The following EFHD1 variants were observed in gnomAD, a reference collection of about 807,000 sequenced individuals.
The protein encoded by EFHD1 is EF-hand domain-containing protein D1.
In EFHD1, 10 loss-of-function variants were observed where a neutral mutation model predicts 17.2. That is an observed-to-expected ratio of 0.58 (90% CI 0.36 to 0.99). The LOEUF is 0.99. EFHD1 is among the 50% of genes least tolerant of loss of function. The pLI, the probability that EFHD1 is intolerant of heterozygous loss-of-function variation, is 0.01. For missense variants in EFHD1, 310 were observed against 327.5 expected (o/e 0.95, Z 0.41); for synonymous variants, 153 against 142.0 (o/e 1.08, Z -0.55).
chr2:232,632,800 A>C (rs1263121580), upstream of EFHD1, among the ~76,000 whole-genome samples: 1 of 152,112 alleles, frequency 6.6e-6, no homozygotes, highest in Non-Finnish European at 1.5e-5. Flanking sequence ...TGATTTTTTA[A>C]AAGTTTTTGT....
At chr2:232,628,805 G>A (rs965731288), upstream of EFHD1, among the ~76,000 whole-genome samples, 1 of 152,130 alleles carries the variant, frequency 6.6e-6, no homozygotes. Flanking sequence ...CCCTCTCCTC[G>A]AACTATGCTC....
At chr2:232,644,869 G>A (rs113252263) in intron 1 of EFHD1, among the ~76,000 whole-genome samples, 9 of 145,722 alleles carry the variant, frequency 6.2e-5, no homozygotes, top group Admixed American at 3.5e-4. Flanking sequence ...CTCAATCTCC[G>A]GACCTCAGGT....
intron 3 of EFHD1, among the ~76,000 whole-genome samples, chr2:232,680,778 G>A (rs1306770158): frequency 6.6e-6 from 1 of 151,844 alleles, no homozygotes; most frequent in Non-Finnish European, 1.5e-5. Context: ...CAAAGTGCTG[G>A]GATTACAGGC....
chr2:232,676,750 T>TG (rs1695180376), intron 3 of EFHD1, among the ~76,000 whole-genome samples: 1 of 152,218 alleles, frequency 6.6e-6, no homozygotes, highest in South Asian at 2.1e-4. Flanking sequence ...GCCAGGACTG[T>TG]GGGGAAGGCT....
At chr2:232,618,005 T>G (rs1201051113) in intron 1 of EFHD1, among the ~76,000 whole-genome samples, 1 of 151,112 alleles carries the variant, frequency 6.6e-6, no homozygotes, top group South Asian at 2.1e-4. Context: ...AAAAGATAAA[T>G]AAACCAATTT....
At chr2:232,677,576 A>T (rs974700386) in intron 3 of EFHD1, among the ~76,000 whole-genome samples, 1 of 152,068 alleles carries the variant, frequency 6.6e-6, no homozygotes, top group Non-Finnish European at 1.5e-5. Context: ...CAAAAATATT[A>T]GCTGGGTATG....
In EFHD1 at chr2:232,681,918, C is replaced by T. The variant is rs1052445445; in HGVS notation, c.*199C>T. 3 of 692,736 alleles carry T rather than the reference C, an allele frequency of 4.3e-6. No homozygotes were observed. Among genetic ancestry groups the T allele is most frequent in the East Asian group, 3.1e-5 (1 of 32,392 alleles). The allele number at this position is 692,736 out of a possible 1,614,324, so 42.9% of individuals were successfully genotyped here. ...GGAGGGTCCTGGGGTGGGCCAGATGCCTGCCCACCTCTGTCTCCTGCCTCT... is the reference window on the plus strand; with the variant it reads ...GGAGGGTCCTGGGGTGGGCCAGATGTCTGCCCACCTCTGTCTCCTGCCTCT... On this transcript the variant is annotated 3_prime_UTR_variant, in exon 4 of 4. Coordinates refer to ENST00000264059, the MANE Select transcript of EFHD1 (RefSeq NM_025202.4).
intron 2 of EFHD1, among the ~76,000 whole-genome samples, chr2:232,671,187 C>T (rs936091616): frequency 1.3e-5 from 2 of 152,020 alleles, no homozygotes; most frequent in African/African-American, 4.8e-5. Context: ...GTAATTTCAG[C>T]ACTTTAGGAG....
Position 232,681,922 on chromosome 2 carries a change from C to T in EFHD1, c.*203C>T, listed in dbSNP as rs1695291935. The T allele has an allele frequency of 1.5e-6, 1 of 659,710 alleles. No homozygotes were observed. Among genetic ancestry groups the T allele is most frequent in the Non-Finnish European group, 2.4e-6 (1 of 413,948 alleles). 40.9% of individuals were successfully genotyped at this position (659,710 alleles called of 1,614,324 possible). ...GGTCCTGGGGTGGGCCAGATGCCTG[C>T]CCACCTCTGTCTCCTGCCTCTGCTC... On this transcript the variant is annotated 3_prime_UTR_variant, in exon 4 of 4. Transcript: ENST00000264059.
intron 2 of EFHD1, among the ~76,000 whole-genome samples, 192 bp from the exon 3 acceptor site, chr2:232,672,117 C>T (rs1354903457): frequency 6.6e-6 from 1 of 151,958 alleles, no homozygotes; most frequent in East Asian, 1.9e-4. Flanking sequence ...GTGCCCATTT[C>T]CCTATAGCCT....
At position 232,622,189 on chromosome 2, in the gene EFHD1, C is replaced by T. The variant is rs114580617; in HGVS notation, c.14+16016C>T. 2.7e-3 allele frequency among the ~76,000 whole-genome samples: 406 copies of T among 152,282 alleles called. 2 individuals carry two copies. Among genetic ancestry groups the T allele is most frequent in the African/African-American group, 9.5e-3 (396 of 41,568 alleles). On this transcript the variant is annotated intron_variant, in intron 1 of 3. Transcript: ENST00000409613. ...TTGAACAATAAAAGACATCTGGGGC[C>T]GGGCATGGTGGCTTACGCCTGTAAT... is the stretch of plus-strand genomic sequence containing the variant.
At position 232,656,867 on chromosome 2, in the gene EFHD1, C is replaced by A. The variant is rs187573657; in HGVS notation, c.303-5935C>A. Reference sequence around the variant, plus strand: ...GATCACAGCTCACTGTAGCCTCAAACTCTTGTGCTCAAGTGATCCTCCCCC... The same window carrying A: ...GATCACAGCTCACTGTAGCCTCAAAATCTTGTGCTCAAGTGATCCTCCCCC... On this transcript the variant is annotated intron_variant, in intron 1 of 3. Coordinates refer to ENST00000264059, the MANE Select transcript of EFHD1 (RefSeq NM_025202.4). Among the ~76,000 whole-genome samples the A allele has an allele frequency of 2.5e-3, 388 of 152,322 alleles. 3 individuals are homozygous for A. The highest frequency in any genetic ancestry group is 2.1e-3 in the Non-Finnish European group (141 of 68,042).
chr2:232,631,213 G>T (rs1183071905), upstream of EFHD1, among the ~76,000 whole-genome samples: 1 of 151,894 alleles, frequency 6.6e-6, no homozygotes, highest in African/African-American at 2.4e-5. Context: ...GGCAACAAGA[G>T]CAAAACTCCG....
chr2:232,657,666 C>T (rs1277126738), intron 1 of EFHD1, among the ~76,000 whole-genome samples: 2 of 151,634 alleles, frequency 1.3e-5, no homozygotes, highest in Non-Finnish European at 2.9e-5. Context: ...AAAAAATTAG[C>T]CGGCCATGGT....
At chr2:232,615,363 T>G (rs566322989) in intron 1 of EFHD1, among the ~76,000 whole-genome samples, 1 of 143,278 alleles carries the variant, frequency 7.0e-6, no homozygotes, top group African/African-American at 2.6e-5. Flanking sequence ...ATTTACATAT[T>G]TTTTCTTAGA....
intron 3 of EFHD1, among the ~76,000 whole-genome samples, chr2:232,675,187 A>AAAGAG: frequency 6.8e-6 from 1 of 146,986 alleles, no homozygotes; most frequent in Non-Finnish European, 1.5e-5. Flanking sequence ...AAAGAAAAAA[A>AAAGAG]AGAGAGAGAG....
intron 3 of EFHD1, among the ~76,000 whole-genome samples, chr2:232,673,605 C>T (rs1695117879): frequency 6.6e-6 from 1 of 152,138 alleles, no homozygotes; most frequent in African/African-American, 2.4e-5. Flanking sequence ...GAGTTCCCTC[C>T]CCTGGGCTGC....
chr2:232,617,668 AG>A (rs1483045379), intron 1 of EFHD1, among the ~76,000 whole-genome samples: 2 of 145,078 alleles, frequency 1.4e-5, no homozygotes, highest in Admixed American at 6.9e-5. Flanking sequence ...AAAAAAAAAA[AG>A]AATGCTGCCA....
chr2:232,668,122 G>T (rs571837397), intron 2 of EFHD1, among the ~76,000 whole-genome samples: 1 of 152,280 alleles, frequency 6.6e-6, no homozygotes, highest in African/African-American at 2.4e-5. Flanking sequence ...GTCACAGCTA[G>T]GACAGTTTCC....
Sources: gnomAD v4.1 joint callset for allele counts (sites outside exome capture counted in the v4.1 genomes callset) on GRCh38, gnomAD v4.1.1 for gene constraint, MANE v1.5 for transcripts, NCBI Gene and HGNC (gene_info 2026-07-23, HGNC 2026-07-21) for gene names.